Variants in GRIN2A observed in about 807,000 individuals in gnomAD.
GRIN2A encodes the protein glutamate ionotropic receptor NMDA type subunit 2A, also known as glutamate receptor ionotropic, NMDA 2A.
Under a neutral mutation model 113.4 loss-of-function variants are expected in GRIN2A, and 22 were observed. That is an observed-to-expected ratio of 0.19 (90% CI 0.14 to 0.28). The LOEUF is 0.28. Ranked by LOEUF, GRIN2A falls within the 10% of genes least tolerant of loss-of-function variation. The probability of loss-of-function intolerance (pLI) is 1.00; values close to 1 mark genes in which losing one functional copy is unlikely to be tolerated. For missense variants in GRIN2A, 1,502 were observed against 1,887.0 expected (o/e 0.80, Z 3.78); for synonymous variants, 827 against 738.4 (o/e 1.12, Z -1.94).
chr16:9,876,404 G>A (rs910378710), intron 4 of GRIN2A, among the ~76,000 whole-genome samples: 72 of 151,980 alleles, frequency 4.7e-4, no homozygotes, highest in African/African-American at 1.5e-3. Context: ...CCCCACATCC[G>A]CACGTCCTCA....
intron 2 of GRIN2A, among the ~76,000 whole-genome samples, chr16:10,035,358 C>T (rs964318931): frequency 6.6e-6 from 1 of 152,138 alleles, no homozygotes; most frequent in African/African-American, 2.4e-5. Context: ...TCTGTACTTC[C>T]TTTCTCTCAC....
chr16:9,801,304 G>C (rs1903347203), intron 10 of GRIN2A, among the ~76,000 whole-genome samples: 1 of 152,148 alleles, frequency 6.6e-6, no homozygotes, highest in African/African-American at 2.4e-5. Context: ...GTTTTATTTA[G>C]ACTTTCTAAG....
chr16:10,131,023 T>C (rs1327713624), intron 2 of GRIN2A, among the ~76,000 whole-genome samples: 2 of 152,186 alleles, frequency 1.3e-5, no homozygotes, highest in Non-Finnish European at 2.9e-5. Context: ...CTTAAGCTTC[T>C]GCATCTCTGC....
Position 9,849,851 on chromosome 16 carries a change from C to T in GRIN2A, c.1233G>A (p.Leu411=). The T allele has an allele frequency of 6.2e-7, 1 of 1,614,018 alleles. No homozygotes were observed. Among genetic ancestry groups the T allele is most frequent in the South Asian group, 1.1e-5 (1 of 91,076 alleles). ...CCACGATGACGAATGGGGCCTCCTC[C>T]AGGGTGACGATGCTGAGATGGTTGT... ...PDDNHLSIVT[L]EEAPFVIVED... The change falls in exon 5 of 13, where the codon CTG becomes CTA. Residue 411 remains leucine, a synonymous_variant. Coordinates refer to ENST00000330684, the MANE Select transcript of GRIN2A (RefSeq NM_001134407.3).
chr16:9,940,888 A>T lies in GRIN2A; in HGVS notation c.415-2337T>A, dbSNP rs892873771. Among the ~76,000 whole-genome samples, 72 of 152,152 alleles carry T rather than the reference A, an allele frequency of 4.7e-4. 1 individual carries two copies. The highest frequency in any genetic ancestry group is 1.2e-3 in the Admixed American group (18 of 15,286). The stretch of plus-strand genomic sequence containing the variant: ...TAATGCCAAAATAGGGCAACAAGAT[A>T]AAAAAAACCACCAACAGAAGACAAC... On this transcript the variant is annotated intron_variant, in intron 2 of 12. Coordinates refer to ENST00000330684, the MANE Select transcript of GRIN2A (RefSeq NM_001134407.3).
intron 2 of GRIN2A, among the ~76,000 whole-genome samples, chr16:10,130,648 A>T (rs1468453399): frequency 6.6e-6 from 1 of 152,224 alleles, no homozygotes; most frequent in Non-Finnish European, 1.5e-5. Context: ...CAAACATCAC[A>T]TGATGGAATG....
At chr16:10,140,046 A>G (rs1159844764) in intron 2 of GRIN2A, among the ~76,000 whole-genome samples, 2 of 152,130 alleles carry the variant, frequency 1.3e-5, no homozygotes, top group African/African-American at 4.8e-5. Context: ...GCATAATTCA[A>G]ATTCTGCCCT....
At chr16:9,825,652 C>A (rs2042374409) in intron 9 of GRIN2A, among the ~76,000 whole-genome samples, 1 of 152,162 alleles carries the variant, frequency 6.6e-6, no homozygotes, top group Non-Finnish European at 1.5e-5. Flanking sequence ...ACTGGAGCCC[C>A]TATTTCTAGT....
At chr16:10,091,817 G>GA (rs1256926677) in intron 2 of GRIN2A, among the ~76,000 whole-genome samples, 2 of 152,126 alleles carry the variant, frequency 1.3e-5, no homozygotes, top group Non-Finnish European at 2.9e-5. Context: ...TCCAGAAAAG[G>GA]AAAATCTATA....
In GRIN2A at chr16:9,942,239, A is replaced by G. The variant is rs556157640; in HGVS notation, c.415-3688T>C. Among the ~76,000 whole-genome samples, 13 of 152,194 alleles carry G rather than the reference A, an allele frequency of 8.5e-5. No homozygotes were observed. The South Asian group carries it at 2.5e-3, about 29-fold the overall frequency. On this transcript the variant is annotated intron_variant, in intron 2 of 12. Coordinates refer to ENST00000330684, the MANE Select transcript of GRIN2A (RefSeq NM_001134407.3). ...CCACTGCCCTGCTCTATAGTCATCAATAGCTCCCATAGGCCTACCATGTTA... is the reference window on the plus strand; with the variant it reads ...CCACTGCCCTGCTCTATAGTCATCAGTAGCTCCCATAGGCCTACCATGTTA...
intron 2 of GRIN2A, among the ~76,000 whole-genome samples, chr16:10,049,847 G>T (rs562780980): frequency 6.6e-6 from 1 of 152,168 alleles, no homozygotes; most frequent in African/African-American, 2.4e-5. Flanking sequence ...GCAGTGCCCA[G>T]CTCATAGGAA....
intron 2 of GRIN2A, among the ~76,000 whole-genome samples, chr16:10,081,378 C>T (rs1227724572): frequency 6.6e-6 from 1 of 152,146 alleles, no homozygotes; most frequent in East Asian, 1.9e-4. Context: ...TTACATATGC[C>T]CCCAGAAAGT....
intron 2 of GRIN2A, among the ~76,000 whole-genome samples, chr16:10,000,941 T>G (rs1473863449): frequency 6.6e-6 from 1 of 152,154 alleles, no homozygotes; most frequent in Non-Finnish European, 1.5e-5. Context: ...AAGTTTGTCC[T>G]GCTTACCATG....
intron 4 of GRIN2A, among the ~76,000 whole-genome samples, chr16:9,883,264 C>T (rs756190972): frequency 2.0e-5 from 3 of 152,140 alleles, no homozygotes; most frequent in Admixed American, 6.5e-5. Flanking sequence ...CTGAAGTCGT[C>T]GATACCAACA....
At chr16:9,933,156 T>G (rs1370242766) in intron 3 of GRIN2A, among the ~76,000 whole-genome samples, 1 of 152,212 alleles carries the variant, frequency 6.6e-6, no homozygotes, top group Non-Finnish European at 1.5e-5. Flanking sequence ...GACTGCTCTT[T>G]TCAAAGTGTC....
At chr16:9,797,072 A>T (rs1246066991) in intron 11 of GRIN2A, among the ~76,000 whole-genome samples, 2 of 152,250 alleles carry the variant, frequency 1.3e-5, no homozygotes, top group African/African-American at 2.4e-5. Context: ...GTAATTGTGC[A>T]CTTCATTCGA....
intron 4 of GRIN2A, among the ~76,000 whole-genome samples, chr16:9,888,470 T>C (rs1319345967): frequency 7.3e-6 from 1 of 137,398 alleles, no homozygotes; most frequent in East Asian, 1.9e-4. Context: ...GAGCAATGGG[T>C]CAAGGTTTTT....
intron 10 of GRIN2A, among the ~76,000 whole-genome samples, chr16:9,816,100 C>G (rs1364866330): frequency 6.6e-6 from 1 of 152,062 alleles, no homozygotes; most frequent in Non-Finnish European, 1.5e-5. Context: ...TTGCCAGGCG[C>G]TAGGGAAAAG....
chr16:10,056,038 A>G (rs893054581), intron 2 of GRIN2A, among the ~76,000 whole-genome samples: 4 of 152,074 alleles, frequency 2.6e-5, no homozygotes, highest in African/African-American at 7.3e-5. Context: ...CTCACCCACT[A>G]GAAGTTCATA....
Sources: allele counts gnomAD v4.1 joint callset (sites outside exome capture counted in the v4.1 genomes callset), GRCh38; gene constraint gnomAD v4.1.1; transcripts MANE v1.5; gene names NCBI Gene and HGNC (gene_info 2026-07-23, HGNC 2026-07-21).